Variants in RARB observed in about 807,000 individuals in gnomAD.
RARB encodes HBV-activated protein.
RARB carries 17 observed loss-of-function variants against 51.9 expected under a neutral mutation model. The observed-to-expected ratio is 0.33, with a 90% CI of 0.22 to 0.49. RARB has a LOEUF of 0.49. Ranked by LOEUF, RARB falls within the 20% of genes least tolerant of loss-of-function variation. The pLI, the probability that RARB is intolerant of heterozygous loss-of-function variation, is 0.99. For synonymous variants in RARB, 215 were observed against 195.4 expected (o/e 1.10, Z -0.84); for missense variants, 369 against 550.8 (o/e 0.67, Z 3.30).
At chr3:25,583,640 A>G (rs1437257294) in intron 5 of RARB, among the ~76,000 whole-genome samples, 1 of 152,204 alleles carries the variant, frequency 6.6e-6, no homozygotes, top group African/African-American at 2.4e-5. Flanking sequence ...TGGGGATGGA[A>G]GGCCTCACCT....
At chr3:25,048,222 T>C (rs578140980) in intron 2 of RARB, among the ~76,000 whole-genome samples, 18 of 152,332 alleles carry the variant, frequency 1.2e-4, no homozygotes, top group African/African-American at 4.3e-4. Context: ...CTTCATTTAG[T>C]ATATATATTA....
chr3:25,497,534 C>T (rs548953180), intron 2 of RARB, among the ~76,000 whole-genome samples: 2 of 152,322 alleles, frequency 1.3e-5, no homozygotes, highest in African/African-American at 2.4e-5. Context: ...TGTGATGACA[C>T]ACTTGGAATC....
At chr3:25,494,673 C>T (rs1025473005) in intron 2 of RARB, among the ~76,000 whole-genome samples, 1 of 152,180 alleles carries the variant, frequency 6.6e-6, no homozygotes, top group African/African-American at 2.4e-5. Flanking sequence ...ACCACATCTA[C>T]TCTAATTGGC....
chr3:25,148,909 A>G (rs933827286), intron 4 of RARB, among the ~76,000 whole-genome samples: 11 of 148,314 alleles, frequency 7.4e-5, no homozygotes, highest in African/African-American at 2.2e-4. Flanking sequence ...TTTTCATTTT[A>G]TCTCCTTCCT....
chr3:24,886,995 G>A (rs1703280181), intron 2 of RARB, among the ~76,000 whole-genome samples: 1 of 152,170 alleles, frequency 6.6e-6, no homozygotes, highest in Admixed American at 6.5e-5. Context: ...AGTTTGAAAA[G>A]TATTTCTCAG....
chr3:25,217,591 C>T (rs903451205), intron 5 of RARB, among the ~76,000 whole-genome samples: 1 of 151,970 alleles, frequency 6.6e-6, no homozygotes, highest in African/African-American at 2.4e-5. Flanking sequence ...TGCCAGGAGA[C>T]CTGGGATTGA....
At chr3:24,855,544 A>G (rs756719161) in intron 1 of RARB, among the ~76,000 whole-genome samples, 4 of 152,180 alleles carry the variant, frequency 2.6e-5, no homozygotes, top group Non-Finnish European at 5.9e-5. Flanking sequence ...AGAAATAAAC[A>G]TGATCAAAGG....
intron 2 of RARB, among the ~76,000 whole-genome samples, chr3:24,934,352 T>C (rs1575079041): frequency 6.6e-6 from 1 of 152,116 alleles, no homozygotes; most frequent in Admixed American, 6.5e-5. Context: ...CCCAGAGATA[T>C]TCTGGCAGGT....
At chr3:25,194,894 C>T (rs1204001485) in intron 5 of RARB, among the ~76,000 whole-genome samples, 2 of 151,930 alleles carry the variant, frequency 1.3e-5, no homozygotes, top group African/African-American at 4.8e-5. Flanking sequence ...TCTTCTTTTC[C>T]TGGCTCTGCT....
At chr3:25,362,347 C>T (rs1705969000) in intron 5 of RARB, among the ~76,000 whole-genome samples, 1 of 152,188 alleles carries the variant, frequency 6.6e-6, no homozygotes, top group African/African-American at 2.4e-5. Context: ...CCCGACCAAA[C>T]TCAAAAGTCC....
At chr3:25,382,880 A>G (rs1224657381) in intron 5 of RARB, among the ~76,000 whole-genome samples, 1 of 152,090 alleles carries the variant, frequency 6.6e-6, no homozygotes, top group South Asian at 2.1e-4. Flanking sequence ...AAAAAAAAGT[A>G]TCAGGATAAC....
At chr3:25,124,126 G>A (rs771727844) in intron 3 of RARB, among the ~76,000 whole-genome samples, 15 of 152,194 alleles carry the variant, frequency 9.9e-5, no homozygotes, top group Non-Finnish European at 1.8e-4. Context: ...TGTAATCCTA[G>A]CACTTTGGGA....
chr3:25,092,789 G>C, intron 3 of RARB, among the ~76,000 whole-genome samples: 1 of 152,110 alleles, frequency 6.6e-6, no homozygotes, highest in East Asian at 1.9e-4. Context: ...CCCAGATAAT[G>C]TCACCTGAAC....
At position 25,487,081 on chromosome 3, in the gene RARB, G is replaced by T. The variant is rs143566566; in HGVS notation, c.307-14101G>T. Among the ~76,000 whole-genome samples the T allele has an allele frequency of 1.6e-3, 239 of 152,232 alleles. 1 individual carries two copies. The highest frequency in any genetic ancestry group is 5.4e-3 in the African/African-American group (223 of 41,538). On this transcript the variant is annotated intron_variant, in intron 2 of 7. Coordinates refer to ENST00000330688, the MANE Select transcript of RARB (RefSeq NM_000965.5). ...AGTCACACACTTTCTCTCCTTTTGTGCTGGGATGGTGATGTGAGGTGTCTG... is the reference window on the plus strand; with the variant it reads ...AGTCACACACTTTCTCTCCTTTTGTTCTGGGATGGTGATGTGAGGTGTCTG...
intron 1 of RARB, among the ~76,000 whole-genome samples, chr3:24,835,499 G>A (rs1252452044): frequency 6.6e-6 from 1 of 152,108 alleles, no homozygotes; most frequent in East Asian, 1.9e-4. Context: ...CTCTGTATGT[G>A]CCAGACTCTG....
chr3:25,399,992 C>G (rs1473202961), intron 5 of RARB, among the ~76,000 whole-genome samples: 1 of 152,188 alleles, frequency 6.6e-6, no homozygotes, highest in Admixed American at 6.5e-5. Context: ...AATAATAAGA[C>G]TTACCTCTGA....
At chr3:25,498,174 A>C (rs914230001) in intron 2 of RARB, among the ~76,000 whole-genome samples, 5 of 152,166 alleles carry the variant, frequency 3.3e-5, no homozygotes, top group Admixed American at 3.3e-4. Flanking sequence ...AATGGTTTCC[A>C]CTTTAAATAG....
At chr3:25,345,998 C>T (rs917992918) in intron 5 of RARB, 1 of 533,006 alleles carries the variant, frequency 1.9e-6, no homozygotes, top group African/African-American at 2.1e-5. Flanking sequence ...ATGAGTAGTT[C>T]TTCTGACCCG....
chr3:25,465,473 C>T (rs567438580), intron 2 of RARB, among the ~76,000 whole-genome samples: 26 of 152,312 alleles, frequency 1.7e-4, no homozygotes, highest in South Asian at 6.2e-4. Flanking sequence ...GTAATGCCTA[C>T]GGTGGCTTCT....
Sources: allele counts gnomAD v4.1 joint callset (sites outside exome capture counted in the v4.1 genomes callset), GRCh38; gene constraint gnomAD v4.1.1; transcripts MANE v1.5; gene names NCBI Gene and HGNC (gene_info 2026-07-23, HGNC 2026-07-21).